The following NKAIN3 variants were observed in gnomAD, a reference collection of about 807,000 sequenced individuals.
NKAIN3 encodes sodium/potassium transporting ATPase interacting 3, also known as sodium/potassium-transporting ATPase subunit beta-1-interacting protein 3.
Under a neutral mutation model 30.2 loss-of-function variants are expected in NKAIN3, and 25 were observed. The observed-to-expected ratio is 0.83, with a 90% CI of 0.60 to 1.16. NKAIN3 has a LOEUF of 1.16. Among genes scored for constraint, NKAIN3 ranks in the 50% most tolerant of loss-of-function variants. The probability of loss-of-function intolerance (pLI) is 0.00; values close to 1 mark genes in which losing one functional copy is unlikely to be tolerated. For synonymous variants in NKAIN3, 91 were observed against 89.6 expected (o/e 1.02, Z -0.09); for missense variants, 225 against 254.1 (o/e 0.89, Z 0.78).
chr8:62,344,348 T>C (rs1289200553), intron 1 of NKAIN3, among the ~76,000 whole-genome samples: 1 of 152,166 alleles, frequency 6.6e-6, no homozygotes, highest in African/African-American at 2.4e-5. Context: ...GCATAGTGCA[T>C]ACTACATTTC....
At chr8:62,294,525 A>C (rs985911386) in intron 1 of NKAIN3, among the ~76,000 whole-genome samples, 1 of 152,132 alleles carries the variant, frequency 6.6e-6, no homozygotes, top group Non-Finnish European at 1.5e-5. Context: ...GAGATTTGCT[A>C]ACAGATGTGT....
chr8:62,974,996 T>C lies in NKAIN3; in HGVS notation c.*9589T>C, dbSNP rs1823912600. Among the ~76,000 whole-genome samples the C allele has an allele frequency of 1.3e-5, 2 of 152,238 alleles. No individual in the cohort carries two copies. The highest frequency in any genetic ancestry group is 2.9e-5 in the Non-Finnish European group (2 of 68,040). On this transcript the variant is annotated 3_prime_UTR_variant, in exon 7 of 7. Transcript: ENST00000623646. ...TTGCATATGTTGAAACAGCCTTGCA[T>C]CCCAGGGATGAAGCTGACTTGATCA...
chr8:62,577,478 G>T lies in NKAIN3; in HGVS notation c.55-2061G>T, dbSNP rs1358009978. 3.2e-3 allele frequency among the ~76,000 whole-genome samples: 385 copies of T among 121,574 alleles called. 1 individual carries two copies. Among genetic ancestry groups the T allele is most frequent in the Non-Finnish European group, 5.3e-3 (299 of 56,152 alleles). 79.8% of individuals were successfully genotyped at this position (121,574 alleles called of 152,430 possible). ...GTGTTTTTTTGTTGTTTTTTTTTTG[G>T]TTTTTTTTTTTGTTTGTTTTTCTGA... On this transcript the variant is annotated intron_variant, in intron 1 of 6. Transcript: ENST00000623646.
chr8:62,919,767 A>G (rs1822220420), intron 5 of NKAIN3, among the ~76,000 whole-genome samples: 1 of 152,168 alleles, frequency 6.6e-6, no homozygotes, highest in Non-Finnish European at 1.5e-5. Flanking sequence ...TGAGTGGTGC[A>G]TGATATATGA....
At chr8:62,264,942 ATGATC>A (rs1358226410) in intron 1 of NKAIN3, among the ~76,000 whole-genome samples, 2 of 152,132 alleles carry the variant, frequency 1.3e-5, no homozygotes, top group Non-Finnish European at 2.9e-5. Context: ...GCAATGTTTT[ATGATC>A]TGACCTTTTC....
chr8:62,340,460 T>C (rs1452304258), intron 1 of NKAIN3, among the ~76,000 whole-genome samples: 1 of 151,878 alleles, frequency 6.6e-6, no homozygotes, highest in Non-Finnish European at 1.5e-5. Context: ...TGGCCTGCTT[T>C]GTGGGTGAAA....
chr8:62,937,431 A>G (rs891091459), intron 5 of NKAIN3, among the ~76,000 whole-genome samples: 1 of 152,094 alleles, frequency 6.6e-6, no homozygotes, highest in Non-Finnish European at 1.5e-5. Flanking sequence ...ACATCACGGG[A>G]GAAGAATTTA....
chr8:62,274,692 C>A (rs1812878079), intron 1 of NKAIN3, among the ~76,000 whole-genome samples: 1 of 151,994 alleles, frequency 6.6e-6, no homozygotes, highest in East Asian at 1.9e-4. Context: ...TGTGCTGCAT[C>A]CATTAACTCG....
At chr8:62,718,131 A>G (rs1814965617) in intron 3 of NKAIN3, among the ~76,000 whole-genome samples, 1 of 152,178 alleles carries the variant, frequency 6.6e-6, no homozygotes, top group Non-Finnish European at 1.5e-5. Context: ...CGAGAATAGC[A>G]TGAGAAAGAC....
intron 5 of NKAIN3, among the ~76,000 whole-genome samples, chr8:62,995,417 G>T (rs1158538974): frequency 1.3e-5 from 2 of 152,184 alleles, no homozygotes; most frequent in African/African-American, 4.8e-5. Context: ...CCACACAGTG[G>T]TATAGATGAA....
At chr8:62,755,295 A>G (rs1816415112) in intron 4 of NKAIN3, among the ~76,000 whole-genome samples, 1 of 152,226 alleles carries the variant, frequency 6.6e-6, no homozygotes, top group Non-Finnish European at 1.5e-5. Context: ...GTTCGGGGGT[A>G]AACTCTGTCA....
chr8:62,262,933 TATG>T (rs1157252995), intron 1 of NKAIN3, among the ~76,000 whole-genome samples: 1 of 152,164 alleles, frequency 6.6e-6, no homozygotes, highest in African/African-American at 2.4e-5. Flanking sequence ...ATATAAGTAA[TATG>T]ATTTTTATAG....
chr8:62,661,750 T>C (rs915826764), intron 3 of NKAIN3, among the ~76,000 whole-genome samples: 1 of 152,202 alleles, frequency 6.6e-6, no homozygotes, highest in East Asian at 1.9e-4. Flanking sequence ...GTCCTTGCTG[T>C]CCTCTGGCTG....
chr8:62,592,251 T>C (rs566892474), intron 3 of NKAIN3, among the ~76,000 whole-genome samples: 2 of 152,150 alleles, frequency 1.3e-5, no homozygotes, highest in African/African-American at 4.8e-5. Context: ...ACCTGAAAGA[T>C]AGTGAGCTGT....
rs1265449399 is a variant in NKAIN3 at position 62,520,453 on chromosome 8, AG to A, written c.55-59085del. On this transcript the variant is annotated intron_variant, in intron 1 of 6. Transcript: ENST00000623646. ...ACTTCCATAGGTAATCAATAAAAAAAGATTAATAACATAAATTCTTCTTGTC... is the reference window on the plus strand; with the variant it reads ...ACTTCCATAGGTAATCAATAAAAAAAATTAATAACATAAATTCTTCTTGTC... Among the ~76,000 whole-genome samples the A allele has an allele frequency of 2.6e-5, 4 of 152,298 alleles. No individual in the cohort carries two copies. In the East Asian group the frequency reaches 7.7e-4, roughly 29 times the overall value.
intron 1 of NKAIN3, among the ~76,000 whole-genome samples, chr8:62,504,689 A>G (rs938020681): frequency 6.6e-6 from 1 of 152,164 alleles, no homozygotes; most frequent in Non-Finnish European, 1.5e-5. Context: ...TTTTCAGGAA[A>G]CACAGCAATA....
chr8:62,826,277 TGA>T (rs770358355), intron 4 of NKAIN3, among the ~76,000 whole-genome samples: 1,543 of 151,984 alleles, frequency 0.01, 25 homozygotes, highest in African/African-American at 0.036. Context: ...GTGGTGTGTG[TGA>T]GTGTTTGTGT....
intron 6 of NKAIN3, among the ~76,000 whole-genome samples, chr8:62,963,242 T>A (rs1028959473): frequency 6.6e-6 from 1 of 152,196 alleles, no homozygotes. Flanking sequence ...AACACAGGTT[T>A]GCCAATAGGT....
intron 1 of NKAIN3, among the ~76,000 whole-genome samples, chr8:62,400,890 A>T (rs1489422996): frequency 1.3e-5 from 2 of 152,148 alleles, no homozygotes; most frequent in Non-Finnish European, 2.9e-5. Flanking sequence ...AAATGTCTTC[A>T]GATAGACTTA....
Sources: gnomAD v4.1 joint callset for allele counts (sites outside exome capture counted in the v4.1 genomes callset) on GRCh38, gnomAD v4.1.1 for gene constraint, MANE v1.5 for transcripts, NCBI Gene and HGNC (gene_info 2026-07-23, HGNC 2026-07-21) for gene names.